Variants in AFG3L2 observed in about 807,000 individuals in gnomAD.
AFG3L2 encodes the protein mitochondrial inner membrane m-AAA protease component AFG3L2.
Under a neutral mutation model 94.5 loss-of-function variants are expected in AFG3L2, and 54 were observed. That is an observed-to-expected ratio of 0.57 (90% CI 0.46 to 0.72). AFG3L2 has a LOEUF of 0.72. Ranked by LOEUF, AFG3L2 falls within the 30% of genes least tolerant of loss-of-function variation. The probability of loss-of-function intolerance (pLI) is 0.00; values close to 1 mark genes in which losing one functional copy is unlikely to be tolerated. For synonymous variants in AFG3L2, 377 were observed against 365.5 expected (o/e 1.03, Z -0.36); for missense variants, 754 against 994.9 (o/e 0.76, Z 3.26).
intron 13 of AFG3L2, among the ~76,000 whole-genome samples, chr18:12,347,126 C>T (rs1395456902): frequency 1.3e-5 from 2 of 152,004 alleles, no homozygotes; most frequent in South Asian, 2.1e-4. Context: ...GACTCTGTCT[C>T]AAAAAACAAA....
At chr18:12,329,860 G>T (rs1017108508) in intron 16 of AFG3L2, 77 bp from the exon 17 acceptor site, 1 of 1,284,144 alleles carries the variant, frequency 7.8e-7, no homozygotes. Flanking sequence ...TTATTTACAG[G>T]TGACCCCATT....
intron 13 of AFG3L2, among the ~76,000 whole-genome samples, chr18:12,345,597 C>A (rs1174797531): frequency 6.6e-6 from 1 of 152,178 alleles, no homozygotes; most frequent in Non-Finnish European, 1.5e-5. Flanking sequence ...AGCCTTCTTT[C>A]CCCACAGTTC....
chr18:12,353,244 G>A (rs1263647631), intron 9 of AFG3L2, 86 bp from the exon 10 acceptor site: 1 of 1,521,526 alleles, frequency 6.6e-7, no homozygotes, highest in East Asian at 2.4e-5. Flanking sequence ...GCCGGGCACA[G>A]TGGCTCATGC....
intron 9 of AFG3L2, among the ~76,000 whole-genome samples, chr18:12,353,629 G>A (rs961941243): frequency 1.3e-5 from 2 of 151,910 alleles, no homozygotes; most frequent in African/African-American, 4.8e-5. Flanking sequence ...GTTACAAGTA[G>A]CAAAGCAGCA....
At chr18:12,348,899 T>C (rs916061271) in intron 12 of AFG3L2, among the ~76,000 whole-genome samples, 2 of 152,230 alleles carry the variant, frequency 1.3e-5, no homozygotes, top group Non-Finnish European at 2.9e-5. Flanking sequence ...GTTAAGTATA[T>C]GGTAGCATAA....
In AFG3L2 at chr18:12,377,079, C is replaced by A; in HGVS notation, c.4G>T (p.Ala2Ser). Residue 2 changes from alanine (A) to serine (S), a missense_variant, in exon 1 of 17, where the codon GCG (alanine) becomes TCG (serine). By Grantham distance (99) the Ala-to-Ser change is moderately conservative. This residue lies in a region of AFG3L2 where 236 missense variants were observed against 214.0 expected (regional missense o/e 1.10). Transcript: ENST00000269143. The part of the protein sequence containing the change: M[A>S]HRCLRLWGRG... The stretch of plus-strand genomic sequence containing the variant: ...CCCCACAGCCGCAAACAGCGGTGCG[C>A]CATGGCCGCCGCCGTGGCCCTCTCG... 1 of 1,418,544 alleles carries A rather than the reference C, an allele frequency of 7.0e-7. No homozygotes were observed. Among genetic ancestry groups the A allele is most frequent in the Non-Finnish European group, 9.2e-7 (1 of 1,086,038 alleles). The allele number at this position is 1,418,544 out of a possible 1,614,324, so 87.9% of individuals were successfully genotyped here.
At position 12,337,462 on chromosome 18, in the gene AFG3L2, A is replaced by G. The variant is rs1164105639; in HGVS notation, c.2054T>C (p.Leu685Ser). Residue 685 changes from leucine to serine, a missense_variant, in exon 16 of 17, where the codon TTG becomes TCG. This residue lies in a region of AFG3L2 where 279 missense variants were observed against 378.6 expected (regional missense o/e 0.74). Transcript: ENST00000269143. ...AGTGGCTTCACTGTAAGGTTTCTCC[A>G]ATACCATGTCCCCCTGACGTGGGAG... ...FDLPRQGDMV[L>S]EKPYSEATAR... 3 of 1,614,098 alleles carry G rather than the reference A, an allele frequency of 1.9e-6. No individual in the cohort carries two copies. The African/African-American group carries it at 4.0e-5, about 22-fold the overall frequency.
intron 3 of AFG3L2, among the ~76,000 whole-genome samples, chr18:12,370,024 C>G (rs1908929587): frequency 7.1e-6 from 1 of 140,616 alleles, no homozygotes; most frequent in South Asian, 2.2e-4. Context: ...CACTGCACTC[C>G]AGCCTGGACG....
rs537830214 is a variant in AFG3L2, at chr18:12,363,934, A to G, written c.553-78T>C. ...ACTCTTTTAAGCTCATTTAAAATGCATATGATGTTTCAGCCACACAAGGAA... is the reference window on the plus strand; with the variant it reads ...ACTCTTTTAAGCTCATTTAAAATGCGTATGATGTTTCAGCCACACAAGGAA... On this transcript the variant is annotated intron_variant, in intron 5 of 16. Coordinates refer to ENST00000269143, the MANE Select transcript of AFG3L2 (RefSeq NM_006796.3). The G allele has an allele frequency of 1.6e-5, 18 of 1,094,894 alleles. No individual in the cohort carries two copies. In the African/African-American group the frequency reaches 2.2e-4, roughly 13 times the overall value. 67.8% of individuals were successfully genotyped at this position (1,094,894 alleles called of 1,614,324 possible). A position where few individuals can be genotyped will look rare whatever the true frequency, so the allele number is the denominator to read the frequency against.
At chr18:12,349,907 C>T (rs1316037195) in intron 12 of AFG3L2, among the ~76,000 whole-genome samples, 5 of 151,994 alleles carry the variant, frequency 3.3e-5, no homozygotes, top group African/African-American at 1.2e-4. Flanking sequence ...GGTGATCCAC[C>T]TGCCTTGGTA....
intron 3 of AFG3L2, 93 bp downstream of exon 3, chr18:12,370,756 G>A (rs538121607): frequency 1.1e-6 from 1 of 888,446 alleles, no homozygotes; most frequent in East Asian, 2.7e-5. Flanking sequence ...ACTGTGCCCG[G>A]CCTGATAACT....
chr18:12,376,087 C>CT (rs769231385), intron 1 of AFG3L2, among the ~76,000 whole-genome samples: 3 of 152,240 alleles, frequency 2.0e-5, no homozygotes, highest in Non-Finnish European at 4.4e-5. Context: ...CTCGGCCTCC[C>CT]TAAGTGCTGG....
In AFG3L2 at chr18:12,331,427, T is replaced by A. The variant is rs77392386; in HGVS notation, c.2176-1644A>T. On this transcript the variant is annotated intron_variant, in intron 16 of 16. Coordinates refer to ENST00000269143, the MANE Select transcript of AFG3L2 (RefSeq NM_006796.3). ...GCTCTGAACTTCTAATTCTGAGGGC[T>A]GCCCGATTCCCAAACTGTTCTTTGC... Among the ~76,000 whole-genome samples, 756 of 152,380 alleles carry A rather than the reference T, an allele frequency of 5.0e-3. 7 individuals carry two copies. Among genetic ancestry groups the A allele is most frequent in the Admixed American group, 9.4e-3 (144 of 15,302 alleles).
At chr18:12,331,857 ATAT>A (rs1907542804) in intron 16 of AFG3L2, among the ~76,000 whole-genome samples, 2 of 68,404 alleles carry the variant, frequency 2.9e-5, no homozygotes, top group African/African-American at 8.5e-5. Flanking sequence ...ATATATATAT[ATAT>A]AAAACAAGGG....
intron 3 of AFG3L2, among the ~76,000 whole-genome samples, chr18:12,369,190 A>G (rs189341375): frequency 7.2e-5 from 11 of 152,258 alleles, no homozygotes; most frequent in Non-Finnish European, 1.5e-5. Flanking sequence ...TCAGGGAGAA[A>G]GGAATGTCCA....
rs996902069 is a variant in AFG3L2 at position 12,377,117 on chromosome 18, G to A, written c.-35C>T. On this transcript the variant is annotated 5_prime_UTR_variant, in exon 1 of 17. Transcript: ENST00000269143. ...CGTGGCCCTCTCGGCCCGGGACGCTGCGCAGGCGCGGGCAGGCGACGACTG... is the reference window on the plus strand; with the variant it reads ...CGTGGCCCTCTCGGCCCGGGACGCTACGCAGGCGCGGGCAGGCGACGACTG... 7.4e-7 allele frequency: 1 copy of A among 1,352,346 alleles called. No individual in the cohort carries two copies. Among genetic ancestry groups the A allele is most frequent in the Admixed American group, 3.1e-5 (1 of 32,322 alleles). 83.8% of individuals were successfully genotyped at this position (1,352,346 alleles called of 1,614,324 possible). A position where few individuals can be genotyped will look rare whatever the true frequency, so the allele number is the denominator to read the frequency against.
At chr18:12,367,476 G>T in intron 3 of AFG3L2, 94 bp from the exon 4 acceptor site, 1 of 1,157,014 alleles carries the variant, frequency 8.6e-7, no homozygotes, top group Non-Finnish European at 1.3e-6. Flanking sequence ...AAGACTCATT[G>T]CAGAATACAC....
At chr18:12,333,421 G>A (rs1269908868) in intron 16 of AFG3L2, among the ~76,000 whole-genome samples, 1 of 147,902 alleles carries the variant, frequency 6.8e-6, no homozygotes, top group African/African-American at 2.5e-5. Flanking sequence ...GCAGTGACGT[G>A]ATCACAGCTC....
intron 2 of AFG3L2, 23 bp downstream of exon 2, chr18:12,371,569 T>A (rs1485275336): frequency 1.2e-6 from 2 of 1,601,922 alleles, no homozygotes; most frequent in Non-Finnish European, 1.7e-6. Context: ...TGTAGAACAC[T>A]ACAGCCACAC....
Sources: allele counts gnomAD v4.1 joint callset (sites outside exome capture counted in the v4.1 genomes callset), GRCh38; gene constraint gnomAD v4.1.1; regional missense constraint gnomAD v4.1.1; transcripts MANE v1.5; gene names NCBI Gene and HGNC (gene_info 2026-07-23, HGNC 2026-07-21).